TOR1AIP1: variants seen among roughly 807,000 people sequenced by gnomAD.
TOR1AIP1 encodes torsin-1A-interacting protein 1.
Under a neutral mutation model 63.3 loss-of-function variants are expected in TOR1AIP1, and 54 were observed. That is an observed-to-expected ratio of 0.85 (90% CI 0.69 to 1.07). The LOEUF (loss-of-function observed/expected upper bound fraction) is 1.07, where lower values mean the gene tolerates loss of function less well. TOR1AIP1 is among the 50% of genes least tolerant of loss of function. TOR1AIP1 has a pLI of 0.00. For missense variants in TOR1AIP1, 736 were observed against 715.0 expected (o/e 1.03, Z -0.33); for synonymous variants, 294 against 273.5 (o/e 1.07, Z -0.74).
At chr1:179,893,229 C>T (rs1648158340) in intron 3 of TOR1AIP1, among the ~76,000 whole-genome samples, 1 of 151,080 alleles carries the variant, frequency 6.6e-6, no homozygotes, top group African/African-American at 2.4e-5. Flanking sequence ...GGCGACAGAG[C>T]GAGATTTGGT....
At chr1:179,901,639 A>G (rs1648469176) in intron 5 of TOR1AIP1, among the ~76,000 whole-genome samples, 1 of 152,218 alleles carries the variant, frequency 6.6e-6, no homozygotes, top group Non-Finnish European at 1.5e-5. Context: ...GCTCAAAAGA[A>G]GAGTTACTTG....
Position 179,884,677 on chromosome 1 carries a change from A to G in TOR1AIP1, c.476-15A>G, listed in dbSNP as rs781255389. Reference sequence around the variant, plus strand: ...TATATTCTGAATTTTAACTCTTGTTATGTCTGTTTTTTAGAGGATGAAGCA... The same window carrying G: ...TATATTCTGAATTTTAACTCTTGTTGTGTCTGTTTTTTAGAGGATGAAGCA... On this transcript the variant is annotated splice_polypyrimidine_tract_variant and intron_variant, in intron 1 of 9. Transcript: ENST00000606911. The G allele has an allele frequency of 1.9e-6, 3 of 1,596,556 alleles. No homozygotes were observed. The highest frequency in any genetic ancestry group is 2.6e-6 in the Non-Finnish European group (3 of 1,172,648).
Position 179,882,437 on chromosome 1 carries a change from C to T in TOR1AIP1, c.-66C>T. 7.4e-7 allele frequency: 1 copy of T among 1,352,494 alleles called. No individual in the cohort carries two copies. The highest frequency in any genetic ancestry group is 1.9e-5 in the South Asian group (1 of 51,504). The allele number at this position is 1,352,494 out of a possible 1,614,324, so 83.8% of individuals were successfully genotyped here. A position where few individuals can be genotyped will look rare whatever the true frequency, so the allele number is the denominator to read the frequency against. ...AACACCCCCGAGAAGCCATCGCCAC[C>T]ACCGGCAGGAGAACCTAGGGTCCAT... On this transcript the variant is annotated 5_prime_UTR_variant, in exon 1 of 10. Coordinates refer to ENST00000606911, the MANE Select transcript of TOR1AIP1 (RefSeq NM_015602.4).
At chr1:179,906,869 C>T (rs535052610) in intron 6 of TOR1AIP1, among the ~76,000 whole-genome samples, 113 of 150,868 alleles carry the variant, frequency 7.5e-4, no homozygotes, top group African/African-American at 2.7e-3. Flanking sequence ...TCCCGAGTAG[C>T]TGGGACTACA....
chr1:179,897,037 A>G (rs934021562), intron 3 of TOR1AIP1, among the ~76,000 whole-genome samples: 5 of 152,180 alleles, frequency 3.3e-5, no homozygotes, highest in African/African-American at 1.2e-4. Context: ...AAAACACAAA[A>G]TAGTACTTTT....
chr1:179,882,522 G>A lies in TOR1AIP1; in HGVS notation c.20G>A (p.Arg7Gln), dbSNP rs1647735292. 5 of 1,458,766 alleles carry A rather than the reference G, an allele frequency of 3.4e-6. No homozygotes were observed. The South Asian group carries it at 5.9e-5, about 17-fold the overall frequency. The allele number at this position is 1,458,766 out of a possible 1,614,324, so 90.4% of individuals were successfully genotyped here. A position where few individuals can be genotyped will look rare whatever the true frequency, so the allele number is the denominator to read the frequency against. ...ACAACTATGGCGGGCGACGGGCGGC[G>A]GGCAGAGGCGGTGCGGGAAGGATGG... The part of the protein sequence containing the change: MAGDGR[R>Q]AEAVREGWGV... Residue 7 changes from arginine to glutamine, a missense_variant, in exon 1 of 10, where the codon CGG becomes CAG. By Grantham distance (43) the Arg-to-Gln change is conservative. Coordinates refer to ENST00000606911, the MANE Select transcript of TOR1AIP1 (RefSeq NM_015602.4).
chr1:179,913,226 T>C (rs1301775202), intron 8 of TOR1AIP1, among the ~76,000 whole-genome samples: 1 of 151,876 alleles, frequency 6.6e-6, no homozygotes, highest in Non-Finnish European at 1.5e-5. Context: ...AGCCTCTTGA[T>C]TTGTCGGAAT....
At chr1:179,911,903 C>T (rs934738568) in intron 8 of TOR1AIP1, among the ~76,000 whole-genome samples, 1 of 151,252 alleles carries the variant, frequency 6.6e-6, no homozygotes, top group Non-Finnish European at 1.5e-5. Flanking sequence ...GTGCCCTCTA[C>T]TCTTGATGGT....
intron 3 of TOR1AIP1, among the ~76,000 whole-genome samples, chr1:179,891,081 G>A (rs887631200): frequency 6.6e-6 from 1 of 152,080 alleles, no homozygotes; most frequent in Non-Finnish European, 1.5e-5. Context: ...GGTTTTTGTT[G>A]TCTATAATTA....
In TOR1AIP1 at chr1:179,882,441, G is replaced by A. The variant is rs1412596707; in HGVS notation, c.-62G>A. On this transcript the variant is annotated 5_prime_UTR_variant, in exon 1 of 10. Transcript: ENST00000606911. ...CCCCCGAGAAGCCATCGCCACCACCGGCAGGAGAACCTAGGGTCCATAAAG... is the reference window on the plus strand; with the variant it reads ...CCCCCGAGAAGCCATCGCCACCACCAGCAGGAGAACCTAGGGTCCATAAAG... The A allele has an allele frequency of 5.9e-6, 8 of 1,347,804 alleles. No individual in the cohort carries two copies. Among genetic ancestry groups the A allele is most frequent in the African/African-American group, 1.5e-5 (1 of 66,290 alleles). 83.5% of individuals were successfully genotyped at this position (1,347,804 alleles called of 1,614,324 possible). A position where few individuals can be genotyped will look rare whatever the true frequency, so the allele number is the denominator to read the frequency against.
At chr1:179,907,015 G>T (rs1231453322) in intron 6 of TOR1AIP1, among the ~76,000 whole-genome samples, 1 of 151,666 alleles carries the variant, frequency 6.6e-6, no homozygotes, top group Admixed American at 6.6e-5. Flanking sequence ...AGGATTACAG[G>T]CATGAGCCAC....
chr1:179,914,856 T>A (rs1648943979), intron 9 of TOR1AIP1, among the ~76,000 whole-genome samples: 1 of 152,124 alleles, frequency 6.6e-6, no homozygotes, highest in Admixed American at 6.5e-5. Flanking sequence ...TTGGTACCGC[T>A]TTACACTAGT....
intron 8 of TOR1AIP1, among the ~76,000 whole-genome samples, chr1:179,913,083 GA>G (rs1254989694): frequency 1.3e-5 from 2 of 151,968 alleles, no homozygotes; most frequent in African/African-American, 4.8e-5. Flanking sequence ...AGATGGAAGG[GA>G]AAGGGAAGGG....
intron 3 of TOR1AIP1, among the ~76,000 whole-genome samples, chr1:179,895,767 G>A (rs968165514): frequency 6.6e-5 from 10 of 152,102 alleles, no homozygotes; most frequent in Admixed American, 5.9e-4. Flanking sequence ...GGGCATGGTG[G>A]CACAAGCCTG....
At chr1:179,895,600 C>T (rs1367363569) in intron 3 of TOR1AIP1, among the ~76,000 whole-genome samples, 2 of 151,490 alleles carry the variant, frequency 1.3e-5, no homozygotes, top group Admixed American at 6.6e-5. Context: ...AAAAAGAGAC[C>T]TTGTCTCAGA....
chr1:179,892,283 C>G (rs1338987352), intron 3 of TOR1AIP1, among the ~76,000 whole-genome samples: 1 of 151,954 alleles, frequency 6.6e-6, no homozygotes, highest in East Asian at 1.9e-4. Flanking sequence ...ACCAGCCTGG[C>G]TGGCATGGCA....
chr1:179,882,476 C>T lies in TOR1AIP1; in HGVS notation c.-27C>T. On this transcript the variant is annotated 5_prime_UTR_variant, in exon 1 of 10. Transcript: ENST00000606911. ...CCTAGGGTCCATAAAGCCATCTTCG[C>T]GATCGACTAAAGCTACGTCAACAAC... 7.0e-7 allele frequency: 1 copy of T among 1,421,960 alleles called. No individual in the cohort carries two copies. The highest frequency in any genetic ancestry group is 1.5e-5 in the African/African-American group (1 of 68,714). The allele number at this position is 1,421,960 out of a possible 1,614,324, so 88.1% of individuals were successfully genotyped here. A position where few individuals can be genotyped will look rare whatever the true frequency, so the allele number is the denominator to read the frequency against.
chr1:179,893,985 C>T (rs1019187368), intron 3 of TOR1AIP1, among the ~76,000 whole-genome samples: 20 of 152,004 alleles, frequency 1.3e-4, no homozygotes, highest in African/African-American at 4.8e-4. Flanking sequence ...ACAACAAGGC[C>T]GGGCACGGTG....
chr1:179,901,380 A>T lies in TOR1AIP1; in HGVS notation c.731A>T (p.Glu244Val). ...AAGGCCAGATCCAGGGATTCTGATG[A>T]ATCTGGAGGTAATATTGCTTTATAT... is the stretch of plus-strand genomic sequence containing the variant. ...TVKARSRDSD[E>V]SGDKTTRSSS... is the part of the protein sequence containing the mutation. The change falls in exon 5 of 10, where the codon GAA becomes GTA. Residue 244 changes from glutamate (E) to valine (V), a missense_variant. This residue lies in a region of TOR1AIP1 where 464 missense variants were observed against 371.0 expected (regional missense o/e 1.25). Coordinates refer to ENST00000606911, the MANE Select transcript of TOR1AIP1 (RefSeq NM_015602.4). The T allele has an allele frequency of 6.3e-7, 1 of 1,599,622 alleles. No individual in the cohort carries two copies. The highest frequency in any genetic ancestry group is 8.5e-7 in the Non-Finnish European group (1 of 1,170,338).
Sources: gnomAD v4.1 joint callset for allele counts (sites outside exome capture counted in the v4.1 genomes callset) on GRCh38, gnomAD v4.1.1 for gene constraint, gnomAD v4.1.1 regional missense constraint, MANE v1.5 for transcripts, NCBI Gene and HGNC (gene_info 2026-07-23, HGNC 2026-07-21) for gene names.